Variants in UVRAG observed in about 807,000 individuals in gnomAD.
UVRAG encodes the protein UV radiation resistance-associated gene protein.
Under a neutral mutation model 78.0 loss-of-function variants are expected in UVRAG, and 19 were observed. The ratio of observed to expected loss-of-function variants is 0.24; its 90% confidence interval spans 0.17 to 0.36. The LOEUF is 0.36. Among genes scored for constraint, UVRAG ranks in the 10% least tolerant of loss-of-function variants. The pLI, the probability that UVRAG is intolerant of heterozygous loss-of-function variation, is 1.00. For missense variants in UVRAG, 740 were observed against 853.8 expected (o/e 0.87, Z 1.66); for synonymous variants, 323 against 324.6 (o/e 1.00, Z 0.05).
chr11:76,137,550 T>C, intron 14 of UVRAG: 3 of 435,148 alleles, frequency 6.9e-6, no homozygotes, highest in Admixed American at 5.3e-5. Flanking sequence ...ACCTTAGATA[T>C]GTAGACTTCT....
intron 1 of UVRAG, among the ~76,000 whole-genome samples, chr11:75,835,971 T>C (rs10899143): frequency 0.18 from 27,199 of 151,648 alleles, 3,523 homozygotes; most frequent in African/African-American, 0.37. Flanking sequence ...CGTGGTGGTG[T>C]GCGCCTGTAG....
At chr11:75,877,364 G>C (rs1485564372) in intron 3 of UVRAG, among the ~76,000 whole-genome samples, 2 of 152,118 alleles carry the variant, frequency 1.3e-5, no homozygotes, top group Admixed American at 1.3e-4. Flanking sequence ...GAGCTGTTGG[G>C]CACACCTCCC....
At chr11:75,892,271 T>C (rs1040907072) in intron 5 of UVRAG, 1 of 945,746 alleles carries the variant, frequency 1.1e-6, no homozygotes, top group Admixed American at 6.2e-5. Flanking sequence ...ATCAGTCATC[T>C]GCTGGTCCTG....
chr11:75,902,763 T>C (rs1947532420), intron 5 of UVRAG, among the ~76,000 whole-genome samples: 1 of 152,210 alleles, frequency 6.6e-6, no homozygotes, highest in South Asian at 2.1e-4. Context: ...CTGTGGCTAC[T>C]TTTCCCTCTC....
chr11:75,836,880 A>G (rs962027797), intron 1 of UVRAG, among the ~76,000 whole-genome samples: 3 of 152,076 alleles, frequency 2.0e-5, no homozygotes, highest in Non-Finnish European at 2.9e-5. Flanking sequence ...TTTCTTTCCT[A>G]TTACCTCCTT....
intron 6 of UVRAG, among the ~76,000 whole-genome samples, chr11:75,958,455 T>C (rs192924389): frequency 6.4e-4 from 97 of 152,304 alleles, no homozygotes; most frequent in Non-Finnish European, 2.4e-4. Flanking sequence ...AAACCACTTT[T>C]CTTGATTAAC....
At position 75,822,925 on chromosome 11, in the gene UVRAG, T is replaced by A. The variant is rs117128281; in HGVS notation, c.117+7401T>A. On this transcript the variant is annotated intron_variant, in intron 1 of 14. Coordinates refer to ENST00000356136, the MANE Select transcript of UVRAG (RefSeq NM_003369.4). ...TCTCCCCTTCCTGGAGGATGGGGAG[T>A]GGGGCTGAAAGTTCCAAGCTTCTGA... Among the ~76,000 whole-genome samples the A allele has an allele frequency of 1.1e-3, 170 of 151,460 alleles. 1 individual carries two copies. The East Asian group carries it at 0.028, about 25-fold the overall frequency.
At chr11:76,133,398 T>A (rs1952545788) in intron 14 of UVRAG, among the ~76,000 whole-genome samples, 1 of 152,136 alleles carries the variant, frequency 6.6e-6, no homozygotes, top group East Asian at 1.9e-4. Flanking sequence ...ACTGGTGCTT[T>A]CTTAACTTGT....
chr11:75,815,839 C>G (rs1945253391), intron 1 of UVRAG, among the ~76,000 whole-genome samples: 1 of 152,144 alleles, frequency 6.6e-6, no homozygotes, highest in African/African-American at 2.4e-5. Flanking sequence ...CGGGGATTGC[C>G]CCGCGCAGAC....
intron 5 of UVRAG, among the ~76,000 whole-genome samples, chr11:75,899,165 T>A (rs1053458696): frequency 3.3e-5 from 5 of 152,188 alleles, no homozygotes; most frequent in African/African-American, 1.2e-4. Flanking sequence ...AGGGACTGTT[T>A]ATAATAGCTG....
intron 12 of UVRAG, among the ~76,000 whole-genome samples, chr11:76,043,258 T>G (rs1382701299): frequency 2.0e-5 from 3 of 152,120 alleles, no homozygotes; most frequent in Non-Finnish European, 4.4e-5. Flanking sequence ...GAAGAAAAAG[T>G]ATCAGATGAG....
At chr11:75,937,730 A>G (rs932131683) in intron 6 of UVRAG, among the ~76,000 whole-genome samples, 1 of 152,008 alleles carries the variant, frequency 6.6e-6, no homozygotes, top group African/African-American at 2.4e-5. Context: ...TGTGTTTTTC[A>G]TACCTGGTAT....
intron 1 of UVRAG, among the ~76,000 whole-genome samples, chr11:75,843,617 C>T (rs1945963679): frequency 6.6e-6 from 1 of 152,116 alleles, no homozygotes; most frequent in South Asian, 2.1e-4. Context: ...AGATGGCTGA[C>T]AGGATCTCTA....
chr11:75,934,409 TAGAA>T (rs1251999970), intron 6 of UVRAG, among the ~76,000 whole-genome samples: 4 of 151,850 alleles, frequency 2.6e-5, no homozygotes, highest in Non-Finnish European at 5.9e-5. Context: ...CAAAAAATAG[TAGAA>T]AGAAAGAATA....
At chr11:76,044,786 AAAAAG>A (rs1335873681) in intron 12 of UVRAG, among the ~76,000 whole-genome samples, 2 of 152,228 alleles carry the variant, frequency 1.3e-5, no homozygotes, top group African/African-American at 2.4e-5. Context: ...AAAAAAAAGA[AAAAAG>A]AAAGAAAAAA....
chr11:75,860,145 A>G (rs1421483633), intron 2 of UVRAG, among the ~76,000 whole-genome samples: 2 of 152,038 alleles, frequency 1.3e-5, no homozygotes, highest in Admixed American at 6.5e-5. Context: ...GGATTTCACC[A>G]TGTTGGCCAG....
intron 3 of UVRAG, among the ~76,000 whole-genome samples, chr11:75,876,830 TG>T (rs750639097): frequency 1.5e-4 from 23 of 151,848 alleles, no homozygotes; most frequent in Non-Finnish European, 2.5e-4. Context: ...AAAGCCCTTA[TG>T]TTTTTTTTTT....
chr11:75,865,378 C>G (rs1258811070), intron 3 of UVRAG, among the ~76,000 whole-genome samples: 7 of 150,492 alleles, frequency 4.7e-5, no homozygotes, highest in Admixed American at 6.6e-5. Context: ...GTGCTTCTTT[C>G]TAACTCTTGA....
chr11:75,955,840 G>T (rs1056046489), intron 6 of UVRAG, among the ~76,000 whole-genome samples: 2 of 152,158 alleles, frequency 1.3e-5, no homozygotes, highest in Non-Finnish European at 2.9e-5. Flanking sequence ...GTGAGTTATG[G>T]TCATGCCAGT....
Sources: gnomAD v4.1 joint callset for allele counts (sites outside exome capture counted in the v4.1 genomes callset) on GRCh38, gnomAD v4.1.1 for gene constraint, MANE v1.5 for transcripts, NCBI Gene and HGNC (gene_info 2026-07-23, HGNC 2026-07-21) for gene names.